The following ZNF440 variants were observed in gnomAD, a reference collection of about 807,000 sequenced individuals.
ZNF440 encodes zinc finger protein 440.
In ZNF440, 47 loss-of-function variants were observed where a neutral mutation model predicts 49.7. The ratio of observed to expected loss-of-function variants is 0.95; its 90% CI spans 0.75 to 1.21. The LOEUF is 1.21. Ranked by LOEUF, ZNF440 falls within the 50% of genes most tolerant of loss-of-function variation. The probability of loss-of-function intolerance (pLI) is 0.00; values close to 1 mark genes in which losing one functional copy is unlikely to be tolerated. For missense variants in ZNF440, 703 were observed against 715.0 expected (o/e 0.98, Z 0.19); for synonymous variants, 255 against 237.7 (o/e 1.07, Z -0.67).
chr19:11,830,557 A>T, intron 2 of ZNF440, 60 bp from the exon 3 acceptor site: 1 of 1,602,116 alleles, frequency 6.2e-7, no homozygotes, highest in Non-Finnish European at 8.5e-7. Context: ...CGTAGAATCT[A>T]ATAATTTTTT....
chr19:11,826,954 C>A (rs384590), intron 1 of ZNF440, among the ~76,000 whole-genome samples: 4 of 151,984 alleles, frequency 2.6e-5, no homozygotes, highest in Non-Finnish European at 4.4e-5. Context: ...TGAGCCACTG[C>A]GCCCGGGCTG....
chr19:11,822,779 G>A, intron 1 of ZNF440, among the ~76,000 whole-genome samples: 1 of 149,700 alleles, frequency 6.7e-6, no homozygotes, highest in Non-Finnish European at 1.5e-5. Context: ...CCTGGGAGGT[G>A]GAGGTTGTAG....
intron 1 of ZNF440, among the ~76,000 whole-genome samples, chr19:11,814,865 G>C (rs577102870): frequency 3.3e-5 from 5 of 152,288 alleles, no homozygotes; most frequent in Middle Eastern, 6.8e-3. Flanking sequence ...CACAGCGAGC[G>C]GGGTAGGGCA....
intron 1 of ZNF440, among the ~76,000 whole-genome samples, chr19:11,821,250 G>C (rs146946908): frequency 5.9e-5 from 9 of 152,162 alleles, no homozygotes; most frequent in Non-Finnish European, 1.2e-4. Flanking sequence ...AGTATCAGCC[G>C]GAGTCACTCC....
intron 1 of ZNF440, among the ~76,000 whole-genome samples, chr19:11,818,986 G>A (rs570430770): frequency 1.3e-5 from 2 of 152,250 alleles, no homozygotes; most frequent in South Asian, 4.1e-4. Context: ...AGAAAGTTAA[G>A]AGGGAAGTTA....
chr19:11,830,023 G>A (rs993333601), intron 1 of ZNF440: 1 of 564,736 alleles, frequency 1.8e-6, no homozygotes. Context: ...TCAGGAGGCT[G>A]AGGAAGAAGA....
At chr19:11,817,411 T>A (rs1317755875) in intron 1 of ZNF440, 1 of 151,620 alleles carries the variant, frequency 6.6e-6, no homozygotes, top group Non-Finnish European at 1.5e-5. Context: ...GCCTGGGCAA[T>A]ATAGTGAAAC....
chr19:11,830,246 C>T (rs750816065), intron 1 of ZNF440, 37 bp from the exon 2 acceptor site: 12 of 1,613,046 alleles, frequency 7.4e-6, no homozygotes, highest in Admixed American at 1.7e-5. Context: ...TGCTGTCACT[C>T]TCACCCATCT....
At chr19:11,824,580 G>A (rs1975839552) in intron 1 of ZNF440, among the ~76,000 whole-genome samples, 1 of 151,892 alleles carries the variant, frequency 6.6e-6, no homozygotes, top group South Asian at 2.1e-4. Context: ...TGGAATGATA[G>A]TTAATTCACT....
In ZNF440 at chr19:11,832,895, A is replaced by G. The variant is rs1478234276; in HGVS notation, c.1719A>G (p.Val573=). 5 of 1,612,902 alleles carry G rather than the reference A, an allele frequency of 3.1e-6. No individual in the cohort carries two copies. The highest frequency in any genetic ancestry group is 8.5e-7 in the Non-Finnish European group (1 of 1,179,384). ...GHTMERSPMH[V]RNVGNPSDLP... is the part of the protein sequence containing the mutation. ...CAATGGAGAGAAGCCCTATGCATGT[A>G]AGGAATGTGGGAAACCCTTCGGATC... The change falls in exon 4 of 4, where the codon GTA becomes GTG. Residue 573 remains valine (V), a synonymous_variant. Coordinates refer to ENST00000304060, the MANE Select transcript of ZNF440 (RefSeq NM_152357.3).
intron 1 of ZNF440, among the ~76,000 whole-genome samples, chr19:11,823,205 T>G (rs1186286085): frequency 6.6e-6 from 1 of 152,174 alleles, no homozygotes; most frequent in Non-Finnish European, 1.5e-5. Flanking sequence ...TGTCTTCTCA[T>G]AAGAGCACTA....
chr19:11,828,100 A>T (rs1266621358), intron 1 of ZNF440, among the ~76,000 whole-genome samples: 1 of 152,196 alleles, frequency 6.6e-6, no homozygotes, highest in African/African-American at 2.4e-5. Flanking sequence ...AATAACTCCC[A>T]CATGCTTAGC....
chr19:11,825,964 C>T (rs1975860535), intron 1 of ZNF440, among the ~76,000 whole-genome samples: 1 of 151,904 alleles, frequency 6.6e-6, no homozygotes, highest in African/African-American at 2.4e-5. Context: ...TACAGGCATG[C>T]ACCATCACGC....
intron 1 of ZNF440, 113 bp downstream of exon 1, chr19:11,814,563 AG>A (rs1190391909): frequency 9.7e-6 from 12 of 1,237,706 alleles, no homozygotes; most frequent in Admixed American, 3.9e-5. Context: ...CGTGGACGCG[AG>A]TCCCCTCGGT....
At chr19:11,830,204 G>T in intron 1 of ZNF440, 79 bp from the exon 2 acceptor site, 1 of 1,586,846 alleles carries the variant, frequency 6.3e-7, no homozygotes, top group Non-Finnish European at 8.6e-7. Context: ...GGCATCCTGA[G>T]AACTTCTTGG....
chr19:11,831,859 G>C lies in ZNF440; in HGVS notation c.683G>C (p.Cys228Ser), dbSNP rs758517209. ...HERIHTGEKP[C>S]ECKQCGKSFS... ...AGAATTCACACTGGAGAGAAACCAT[G>C]TGAATGTAAACAGTGTGGTAAATCC... Residue 228 changes from cysteine to serine, a missense_variant, in exon 4 of 4, where the codon TGT (cysteine) becomes TCT (serine). Coordinates refer to ENST00000304060, the MANE Select transcript of ZNF440 (RefSeq NM_152357.3). 3.1e-6 allele frequency: 5 copies of C among 1,613,668 alleles called. No individual in the cohort carries two copies. The Admixed American group carries it at 8.3e-5, about 27-fold the overall frequency.
At position 11,814,490 on chromosome 19, in the gene ZNF440, G is replaced by C. The variant is rs796712000; in HGVS notation, c.3+40G>C. On this transcript the variant is annotated intron_variant, in intron 1 of 3. Transcript: ENST00000304060. ...GCTGGCGTCCGGGCGACTGGGAGAG[G>C]GGCTGGAATCGGCCGGAACCGGCTG... The C allele has an allele frequency of 3.4e-6, 5 of 1,490,122 alleles. No individual in the cohort carries two copies. The African/African-American group carries it at 7.2e-5, about 22-fold the overall frequency. The allele number at this position is 1,490,122 out of a possible 1,614,324, so 92.3% of individuals were successfully genotyped here.
At position 11,833,712 on chromosome 19, in the gene ZNF440, G is replaced by A. The variant is rs1975983449; in HGVS notation, c.*748G>A. ...TTCTTCTAGTTCCCTTCAATATCAT[G>A]AAAGGACTCACACTGGAGAGAAGCC... is the stretch of plus-strand genomic sequence containing the variant. On this transcript the variant is annotated 3_prime_UTR_variant, in exon 4 of 4. Coordinates refer to ENST00000304060, the MANE Select transcript of ZNF440 (RefSeq NM_152357.3). 8.8e-6 allele frequency: 6 copies of A among 685,598 alleles called. No individual in the cohort carries two copies. The highest frequency in any genetic ancestry group is 1.9e-5 in the African/African-American group (1 of 53,194). 42.5% of individuals were successfully genotyped at this position (685,598 alleles called of 1,614,324 possible).
chr19:11,834,684 C>G lies in ZNF440; in HGVS notation c.*1720C>G, dbSNP rs1361319189. On this transcript the variant is annotated 3_prime_UTR_variant, in exon 4 of 4. Transcript: ENST00000304060. ...TCTATCACATTTAAAAATATAGTTACAAAATGCCCTTGTTTTTGTCCTGAT... is the reference window on the plus strand; with the variant it reads ...TCTATCACATTTAAAAATATAGTTAGAAAATGCCCTTGTTTTTGTCCTGAT... The G allele has an allele frequency of 6.6e-6, 1 of 152,156 alleles. No individual in the cohort carries two copies. The highest frequency in any genetic ancestry group is 2.4e-5 in the African/African-American group (1 of 41,432). 9.4% of individuals were successfully genotyped at this position (152,156 alleles called of 1,614,324 possible). A position where few individuals can be genotyped will look rare whatever the true frequency, so the allele number is the denominator to read the frequency against.
Sources: allele counts gnomAD v4.1 joint callset (sites outside exome capture counted in the v4.1 genomes callset), GRCh38; gene constraint gnomAD v4.1.1; transcripts MANE v1.5; gene names NCBI Gene and HGNC (gene_info 2026-07-23, HGNC 2026-07-21).